Variants in PREX1 observed in about 807,000 individuals in gnomAD.
The protein encoded by PREX1 is phosphatidylinositol-3,4,5-trisphosphate dependent Rac exchange factor 1.
PREX1 carries 41 observed loss-of-function variants against 198.3 expected under a neutral mutation model. The ratio of observed to expected loss-of-function variants is 0.21; its 90% CI spans 0.16 to 0.27. The LOEUF (loss-of-function observed/expected upper bound fraction) is 0.27. Ranked by LOEUF, PREX1 falls within the 10% of genes least tolerant of loss-of-function variation. The pLI is 1.00. For missense variants in PREX1, 1,620 were observed against 2,200.7 expected (o/e 0.74, Z 5.28); for synonymous variants, 843 against 887.2 (o/e 0.95, Z 0.89).
At chr20:48,777,771 T>C (rs1470758317) in intron 1 of PREX1, among the ~76,000 whole-genome samples, 1 of 152,152 alleles carries the variant, frequency 6.6e-6, no homozygotes, top group Non-Finnish European at 1.5e-5. Context: ...GACAAAGACC[T>C]GCGGAGAGGC....
In PREX1 at chr20:48,632,619, T is replaced by G; in HGVS notation, c.4288A>C (p.Ile1430Leu). Residue 1430 changes from isoleucine (I) to leucine (L), a missense_variant, in exon 34 of 40, where the codon ATT (isoleucine) becomes CTT (leucine). Around this residue, in one of 7 missense-constraint regions of PREX1, gnomAD observed 476 missense variants for 603.4 expected, o/e 0.79. Transcript: ENST00000371941. ...TTCAGCGCCTGCCGGCTGCCCTCAA[T>G]GTGGTAGAAGACGTTGGTGTCTGCG... ...YVANTNVFYHIEGSRQALKVI... is the reference protein window; with the variant it reads ...YVANTNVFYHLEGSRQALKVI... The G allele has an allele frequency of 6.2e-7, 1 of 1,613,510 alleles. No individual in the cohort carries two copies. Among genetic ancestry groups the G allele is most frequent in the Non-Finnish European group, 8.5e-7 (1 of 1,179,752 alleles).
chr20:48,659,358 A>G, intron 16 of PREX1, among the ~76,000 whole-genome samples: 1 of 139,870 alleles, frequency 7.1e-6, no homozygotes, highest in Admixed American at 7.1e-5. Flanking sequence ...GAAAGAGGAA[A>G]GAGAGAAGGG....
intron 3 of PREX1, among the ~76,000 whole-genome samples, chr20:48,742,599 C>G (rs1346307768): frequency 2.0e-5 from 3 of 152,152 alleles, no homozygotes; most frequent in African/African-American, 7.2e-5. Flanking sequence ...CTCCACACGT[C>G]ATGACTCTGA....
Position 48,684,822 on chromosome 20 carries a change from A to G in PREX1, c.1335-3487T>C, listed in dbSNP as rs2089774910. On this transcript the variant is annotated intron_variant, in intron 10 of 39. Coordinates refer to ENST00000371941, the MANE Select transcript of PREX1 (RefSeq NM_020820.4). The surrounding 1 kb of genome is among the most constrained non-coding windows in gnomAD (Gnocchi z 4.2). The stretch of plus-strand genomic sequence containing the variant: ...CCCTCTGACCACTCAGGCTCCAGCC[A>G]CAATGGCCTCCTCCTGTTCCACCAT... Among the ~76,000 whole-genome samples the G allele has an allele frequency of 6.6e-6, 1 of 152,210 alleles. No homozygotes were observed. The highest frequency in any genetic ancestry group is 1.5e-5 in the Non-Finnish European group (1 of 68,038).
Position 48,637,638 on chromosome 20 carries a change from G to C in PREX1, c.3946+73C>G. On this transcript the variant is annotated intron_variant, in intron 31 of 39. Coordinates refer to ENST00000371941, the MANE Select transcript of PREX1 (RefSeq NM_020820.4). ...TTGCCTCCCCCCGTCCAGGCCCCGA[G>C]GGCATGGATGGTCGGCCTTGGGTGG... 5 of 1,425,876 alleles carry C rather than the reference G, an allele frequency of 3.5e-6. No homozygotes were observed. The South Asian group carries it at 4.0e-5, about 11-fold the overall frequency. The allele number at this position is 1,425,876 out of a possible 1,614,324, so 88.3% of individuals were successfully genotyped here.
At chr20:48,672,772 C>T (rs1016581400) in intron 14 of PREX1, among the ~76,000 whole-genome samples, 2 of 152,240 alleles carry the variant, frequency 1.3e-5, no homozygotes, top group Non-Finnish European at 2.9e-5. Flanking sequence ...TCCCTGACCC[C>T]CTGTGTAAAC....
chr20:48,862,437 C>T, the PREX1 span, among the ~76,000 whole-genome samples: 3 of 152,036 alleles, frequency 2.0e-5, no homozygotes, highest in South Asian at 6.2e-4. Flanking sequence ...ATCCTCATAA[C>T]AATCCAAGGA....
At chr20:48,743,533 A>G (rs1272590678) in intron 3 of PREX1, among the ~76,000 whole-genome samples, 1 of 152,178 alleles carries the variant, frequency 6.6e-6, no homozygotes, top group African/African-American at 2.4e-5. Flanking sequence ...GCTAGCACCC[A>G]GCCCACCTGC....
chr20:48,802,719 T>C (rs2090393087), intron 1 of PREX1, among the ~76,000 whole-genome samples: 1 of 152,260 alleles, frequency 6.6e-6, no homozygotes, highest in Admixed American at 6.5e-5. Context: ...CCCCCATGCC[T>C]GGCACACAGT....
chr20:48,635,068 A>T (rs1310772253), intron 32 of PREX1, among the ~76,000 whole-genome samples: 2 of 152,104 alleles, frequency 1.3e-5, no homozygotes, highest in Admixed American at 1.3e-4. Flanking sequence ...AACCTTTTTG[A>T]GCCTAACACA....
intron 3 of PREX1, among the ~76,000 whole-genome samples, chr20:48,738,401 A>C (rs2122740234): frequency 6.6e-6 from 1 of 152,330 alleles, no homozygotes; most frequent in Admixed American, 6.5e-5. Flanking sequence ...CCAACGCTTG[A>C]GGCTTGGAGA....
At chr20:48,702,473 C>T (rs2089880309) in intron 6 of PREX1, among the ~76,000 whole-genome samples, 9 of 152,242 alleles carry the variant, frequency 5.9e-5, no homozygotes, top group Admixed American at 5.9e-4. Context: ...TACTTGGCTG[C>T]CCAGCCACAG....
chr20:48,632,767 T>C, intron 33 of PREX1, 128 bp from the exon 34 acceptor site: 1 of 995,946 alleles, frequency 1.0e-6, no homozygotes, highest in Non-Finnish European at 1.5e-6. Context: ...GGGACCTCCC[T>C]GTTCTCCCGA....
rs371915692 is a variant in PREX1 at position 48,679,260 on chromosome 20, GAGA to G, written c.1589+97_1589+99del. ...GTGCCACTGCAAGCCCCATTTAATG[GAGA>G]AGGAGACTGGAGCTCAGAGAGGTTA... On this transcript the variant is annotated intron_variant, in intron 13 of 39. Coordinates refer to ENST00000371941, the MANE Select transcript of PREX1 (RefSeq NM_020820.4). The G allele has an allele frequency of 5.3e-4, 534 of 1,016,516 alleles. 1 individual carries two copies. Among genetic ancestry groups the G allele is most frequent in the African/African-American group, 5.2e-3 (326 of 62,108 alleles). 63.0% of individuals were successfully genotyped at this position (1,016,516 alleles called of 1,614,324 possible). A position where few individuals can be genotyped will look rare whatever the true frequency, so the allele number is the denominator to read the frequency against.
In PREX1 at chr20:48,636,475, C is replaced by T. The variant is rs368018620; in HGVS notation, c.4155G>A (p.Ser1385=). The change falls in exon 32 of 40, where the codon TCG becomes TCA. Residue 1385 remains serine (S), a synonymous_variant. Transcript: ENST00000371941. Reference sequence around the variant, plus strand: ...CCCACTCACTCACCACTGTGGCTGGCGAGAGCAGGGACTGGCAGTGCAGCA... The same window carrying T: ...CCCACTCACTCACCACTGTGGCTGGTGAGAGCAGGGACTGGCAGTGCAGCA... ...GVLLHCQSLL[S]PATVKEERTM... The T allele has an allele frequency of 4.8e-5, 77 of 1,604,374 alleles. 1 individual carries two copies. The highest frequency in any genetic ancestry group is 1.3e-4 in the South Asian group (12 of 90,788).
At chr20:48,817,292 T>C (rs2123063944) in intron 1 of PREX1, among the ~76,000 whole-genome samples, 1 of 152,310 alleles carries the variant, frequency 6.6e-6, no homozygotes, top group Non-Finnish European at 1.5e-5. Flanking sequence ...CACAGACCAA[T>C]GTCCAGGGCA....
At chr20:48,825,591 CCA>C in intron 1 of PREX1, among the ~76,000 whole-genome samples, 1 of 152,172 alleles carries the variant, frequency 6.6e-6, no homozygotes, top group African/African-American at 2.4e-5. Context: ...CGATTTAAAA[CCA>C]CAGTTAACTC....
chr20:48,773,407 T>C (rs1476762400), intron 1 of PREX1, among the ~76,000 whole-genome samples: 1 of 152,110 alleles, frequency 6.6e-6, no homozygotes, highest in Non-Finnish European at 1.5e-5. Flanking sequence ...ACTAGCCCCT[T>C]TCCTGATCAC....
At chr20:48,709,258 T>C (rs2089919302) in intron 5 of PREX1, among the ~76,000 whole-genome samples, 1 of 152,182 alleles carries the variant, frequency 6.6e-6, no homozygotes. Flanking sequence ...CAGAGATAAT[T>C]TTCTTTAATC....
Sources: gnomAD v4.1 joint callset for allele counts (sites outside exome capture counted in the v4.1 genomes callset) on GRCh38, gnomAD v4.1.1 for gene constraint, gnomAD v4.1.1 regional missense constraint, Gnocchi (gnomAD v3.1) non-coding constraint, MANE v1.5 for transcripts, NCBI Gene and HGNC (gene_info 2026-07-23, HGNC 2026-07-21) for gene names.